SYNGR3: variants seen among roughly 807,000 people sequenced by gnomAD.
SYNGR3 encodes synaptogyrin-3.
In SYNGR3, 10 loss-of-function variants were observed where a neutral mutation model predicts 18.5. The observed-to-expected ratio is 0.54, with a 90% CI of 0.33 to 0.92. The LOEUF is 0.92. Among genes scored for constraint, SYNGR3 ranks in the 40% least tolerant of loss-of-function variants. The probability of loss-of-function intolerance (pLI) is 0.02; values close to 1 mark genes in which losing one functional copy is unlikely to be tolerated. For synonymous variants in SYNGR3, 188 were observed against 157.2 expected (o/e 1.20, Z -1.47); for missense variants, 335 against 332.8 (o/e 1.01, Z -0.05).
At position 1,992,088 on chromosome 16, in the gene SYNGR3, G is replaced by T; in HGVS notation, c.214G>T (p.Val72Phe). 6.3e-7 allele frequency: 1 copy of T among 1,576,352 alleles called. No homozygotes were observed. The highest frequency in any genetic ancestry group is 1.1e-5 in the South Asian group (1 of 87,498). Residue 72 changes from valine to phenylalanine, a missense_variant, in exon 2 of 4, where the codon GTC (valine) becomes TTC (phenylalanine). Val to Phe is a conservative substitution (Grantham distance 50). Coordinates refer to ENST00000248121, the MANE Select transcript of SYNGR3 (RefSeq NM_004209.6). ...NGNAGACRFG[V>F]ALGLGAFLAC... ...GAACGCGGGCGCCTGCCGCTTCGGC[G>T]TCGCGCTGGGCCTCGGAGCCTTCCT...
At chr16:1,990,842 G>A (rs1451597526) in intron 1 of SYNGR3, among the ~76,000 whole-genome samples, 1 of 152,250 alleles carries the variant, frequency 6.6e-6, no homozygotes, top group East Asian at 1.9e-4. Context: ...TTTTGTCCAG[G>A]TGGCAACCTC....
In SYNGR3 at chr16:1,993,070, TAGC is replaced by T; in HGVS notation, c.689_*1del. The T allele has an allele frequency of 1.0e-5, 16 of 1,607,598 alleles. No homozygotes were observed. Among genetic ancestry groups the T allele is most frequent in the Non-Finnish European group, 1.4e-5 (16 of 1,178,130 alleles). ...CAAAGGGTACCAGGTGCCCGCCTACTAGCGGCTGGCAGGCACAGACCAGGGCTC... is the reference window on the plus strand; with the variant it reads ...CAAAGGGTACCAGGTGCCCGCCTACTGGCTGGCAGGCACAGACCAGGGCTC... On this transcript the variant is annotated stop_lost and 3_prime_UTR_variant, in exon 4 of 4. Transcript: ENST00000248121.
In SYNGR3 at chr16:1,992,860, C is replaced by T. The variant is rs751171701; in HGVS notation, c.481-3C>T. Reference sequence around the variant, plus strand: ...CTGACCCCGCTGACCCCGCCCCGCGCAGGTGGCGCTCACCGTGAAGGCCCT... The same window carrying T: ...CTGACCCCGCTGACCCCGCCCCGCGTAGGTGGCGCTCACCGTGAAGGCCCT... On this transcript the variant is annotated splice_region_variant and splice_polypyrimidine_tract_variant and intron_variant, in intron 3 of 3. Transcript: ENST00000248121. 6.4e-7 allele frequency: 1 copy of T among 1,556,118 alleles called. No individual in the cohort carries two copies. The highest frequency in any genetic ancestry group is 8.7e-7 in the Non-Finnish European group (1 of 1,151,630).
intron 1 of SYNGR3, among the ~76,000 whole-genome samples, chr16:1,990,883 G>A (rs1047996982): frequency 6.6e-6 from 1 of 152,262 alleles, no homozygotes; most frequent in Non-Finnish European, 1.5e-5. Flanking sequence ...GCCTGTCTTG[G>A]AGGAGGGCGG....
chr16:1,991,290 T>G (rs1348961627), intron 1 of SYNGR3: 1 of 152,322 alleles, frequency 6.6e-6, no homozygotes, highest in East Asian at 1.9e-4. Flanking sequence ...GGGGCTGTCA[T>G]CCCTCGGGTA....
At position 1,992,692 on chromosome 16, in the gene SYNGR3, C is replaced by T. The variant is rs575680811; in HGVS notation, c.394C>T (p.Arg132Cys). 2 of 1,604,546 alleles carry T rather than the reference C, an allele frequency of 1.2e-6. No individual in the cohort carries two copies. The highest frequency in any genetic ancestry group is 1.1e-5 in the South Asian group (1 of 90,852). ...GFCFLTNQWQ[R>C]TAPGPATTQA... ...CTGCTTCCTCACCAATCAGTGGCAGCGCACGGCGCCAGGGCCGGCCACGAC... is the reference window on the plus strand; with the variant it reads ...CTGCTTCCTCACCAATCAGTGGCAGTGCACGGCGCCAGGGCCGGCCACGAC... Residue 132 changes from arginine (R) to cysteine (C), a missense_variant, in exon 3 of 4, where the codon CGC becomes TGC. Coordinates refer to ENST00000248121, the MANE Select transcript of SYNGR3 (RefSeq NM_004209.6).
At position 1,990,170 on chromosome 16, in the gene SYNGR3, G is replaced by C. The variant is rs1382308370; in HGVS notation, c.68G>C (p.Arg23Pro). Residue 23 changes from arginine (R) to proline (P), a missense_variant, in exon 1 of 4, where the codon CGG (arginine) becomes CCG (proline). Transcript: ENST00000248121. ...CTGGACCCCGTGAGCTTTGCGCGGC[G>C]GCCCCAGACCCTGCTCCGGGTCGCG... is the stretch of plus-strand genomic sequence containing the variant. ...AALDPVSFAR[R>P]PQTLLRVASW... 7.9e-7 allele frequency: 1 copy of C among 1,262,262 alleles called. No homozygotes were observed. Among genetic ancestry groups the C allele is most frequent in the Non-Finnish European group, 1.0e-6 (1 of 1,001,736 alleles). 78.2% of individuals were successfully genotyped at this position (1,262,262 alleles called of 1,614,324 possible).
At chr16:1,990,370 C>G (rs1426593886) in intron 1 of SYNGR3, 169 bp downstream of exon 1, 2 of 428,820 alleles carry the variant, frequency 4.7e-6, no homozygotes, top group Admixed American at 9.0e-5. Context: ...GGTGACGTCA[C>G]CGGGCAGGGC....
In SYNGR3 at chr16:1,992,695, A is replaced by C; in HGVS notation, c.397A>C (p.Thr133Pro). The C allele has an allele frequency of 6.2e-7, 1 of 1,604,370 alleles. No homozygotes were observed. The highest frequency in any genetic ancestry group is 8.5e-7 in the Non-Finnish European group (1 of 1,177,460). The change falls in exon 3 of 4, where the codon ACG (threonine) becomes CCG (proline). Residue 133 changes from threonine to proline, a missense_variant. Transcript: ENST00000248121. Reference protein sequence around the residue: ...FCFLTNQWQRTAPGPATTQAG... With the variant: ...FCFLTNQWQRPAPGPATTQAG... ...CTTCCTCACCAATCAGTGGCAGCGC[A>C]CGGCGCCAGGGCCGGCCACGACGCA...
chr16:1,993,255 A>G lies in SYNGR3; in HGVS notation c.*183A>G. The G allele has an allele frequency of 1.4e-6, 1 of 711,438 alleles. No individual in the cohort carries two copies. Among genetic ancestry groups the G allele is most frequent in the Non-Finnish European group, 2.3e-6 (1 of 429,530 alleles). 44.1% of individuals were successfully genotyped at this position (711,438 alleles called of 1,614,324 possible). ...TGGGCTGCCCCTGCCAAGTTCCCCC[A>G]GTCCCTCAGCACCTGGCCCCAGGAC... On this transcript the variant is annotated 3_prime_UTR_variant, in exon 4 of 4. Coordinates refer to ENST00000248121, the MANE Select transcript of SYNGR3 (RefSeq NM_004209.6).
At position 1,993,120 on chromosome 16, in the gene SYNGR3, G is replaced by A. The variant is rs768787609; in HGVS notation, c.*48G>A. ...GCTCCAAGGCCACCCCACCAACGCA[G>A]GCCCCAGGGTCTCCGGGACCTCCCT... is the stretch of plus-strand genomic sequence containing the variant. On this transcript the variant is annotated 3_prime_UTR_variant, in exon 4 of 4. Coordinates refer to ENST00000248121, the MANE Select transcript of SYNGR3 (RefSeq NM_004209.6). The A allele has an allele frequency of 3.2e-6, 5 of 1,566,392 alleles. No homozygotes were observed. In the South Asian group the frequency reaches 4.6e-5, roughly 15 times the overall value.
rs143768191 is a variant in SYNGR3 at position 1,992,673 on chromosome 16, C to T, written c.375C>T (p.Phe125=). The change falls in exon 3 of 4, where the codon TTC becomes TTT. Residue 125 remains phenylalanine (F), a synonymous_variant. Transcript: ENST00000248121. The part of the protein sequence containing the change: ...WSFLWFVGFC[F]LTNQWQRTAP... Reference sequence around the variant, plus strand: ...TCCTGTGGTTCGTGGGCTTCTGCTTCCTCACCAATCAGTGGCAGCGCACGG... The same window carrying T: ...TCCTGTGGTTCGTGGGCTTCTGCTTTCTCACCAATCAGTGGCAGCGCACGG... The T allele has an allele frequency of 1.5e-3, 2,422 of 1,606,460 alleles. 41 individuals carry two copies. In the South Asian group the frequency reaches 0.025, roughly 16 times the overall value.
chr16:1,992,013 G>T lies in SYNGR3; in HGVS notation c.139G>T (p.Gly47Cys). 1 of 1,592,934 alleles carries T rather than the reference G, an allele frequency of 6.3e-7. No homozygotes were observed. ...IAVFGPIVNE[G>C]YVNTDSGPEL... Reference sequence around the variant, plus strand: ...CGTCTTCGGGCCCATCGTCAACGAGGGCTACGTGAACACCGACAGCGGCCC... The same window carrying T: ...CGTCTTCGGGCCCATCGTCAACGAGTGCTACGTGAACACCGACAGCGGCCC... The change falls in exon 2 of 4, where the codon GGC becomes TGC. Residue 47 changes from glycine to cysteine, a missense_variant. By Grantham distance (159) the Gly-to-Cys change is radical. Coordinates refer to ENST00000248121, the MANE Select transcript of SYNGR3 (RefSeq NM_004209.6).
chr16:1,990,396 C>T, intron 1 of SYNGR3, 195 bp downstream of exon 1: 1 of 345,934 alleles, frequency 2.9e-6, no homozygotes, highest in Admixed American at 4.9e-5. Context: ...CACCTGCGGG[C>T]GGAGGAGGGG....
rs375528139 is a variant in SYNGR3 at position 1,990,869 on chromosome 16, C to T, written c.99+668C>T. On this transcript the variant is annotated intron_variant, in intron 1 of 3. Transcript: ENST00000248121. The stretch of plus-strand genomic sequence containing the variant: ...GGCAACCTCTGGGCCAGCCGCACCT[C>T]GGCGCCTGTCTTGGAGGAGGGCGGT... Among the ~76,000 whole-genome samples the T allele has an allele frequency of 9.2e-5, 14 of 152,368 alleles. No individual in the cohort carries two copies. The East Asian group carries it at 1.7e-3, about 19-fold the overall frequency.
Position 1,993,112 on chromosome 16 carries a change from C to T in SYNGR3, c.*40C>T. ...AGACCAGGGCTCCAAGGCCACCCCA[C>T]CAACGCAGGCCCCAGGGTCTCCGGG... On this transcript the variant is annotated 3_prime_UTR_variant, in exon 4 of 4. Transcript: ENST00000248121. 1 of 1,574,268 alleles carries T rather than the reference C, an allele frequency of 6.4e-7. No homozygotes were observed. Among genetic ancestry groups the T allele is most frequent in the Non-Finnish European group, 8.6e-7 (1 of 1,161,450 alleles).
In SYNGR3 at chr16:1,990,171, G is replaced by A; in HGVS notation, c.69G>A (p.Arg23=). The A allele has an allele frequency of 7.9e-7, 1 of 1,272,886 alleles. No homozygotes were observed. Among genetic ancestry groups the A allele is most frequent in the Non-Finnish European group, 9.9e-7 (1 of 1,007,800 alleles). The allele number at this position is 1,272,886 out of a possible 1,614,324, so 78.8% of individuals were successfully genotyped here. The change falls in exon 1 of 4, where the codon CGG becomes CGA. Residue 23 remains arginine, a synonymous_variant. Transcript: ENST00000248121. ...TGGACCCCGTGAGCTTTGCGCGGCG[G>A]CCCCAGACCCTGCTCCGGGTCGCGT... The part of the protein sequence containing the change: ...AALDPVSFAR[R]PQTLLRVASW...
At chr16:1,992,594 C>T in intron 2 of SYNGR3, 42 bp from the exon 3 acceptor site, 1 of 1,572,674 alleles carries the variant, frequency 6.4e-7, no homozygotes, top group Non-Finnish European at 8.6e-7. Flanking sequence ...CGCCGTGGGC[C>T]ACCGCGTGGA....
Position 1,993,180 on chromosome 16 carries a change from G to A in SYNGR3, c.*108G>A. Reference sequence around the variant, plus strand: ...CCAGCTCAGTGCCGCGGACAGAGTAGGTGGCCGCTTTGCGCCATCCGGGGC... The same window carrying A: ...CCAGCTCAGTGCCGCGGACAGAGTAAGTGGCCGCTTTGCGCCATCCGGGGC... On this transcript the variant is annotated 3_prime_UTR_variant, in exon 4 of 4. Coordinates refer to ENST00000248121, the MANE Select transcript of SYNGR3 (RefSeq NM_004209.6). The A allele has an allele frequency of 7.3e-7, 1 of 1,379,004 alleles. No homozygotes were observed. Among genetic ancestry groups the A allele is most frequent in the Non-Finnish European group, 9.8e-7 (1 of 1,017,682 alleles). 85.4% of individuals were successfully genotyped at this position (1,379,004 alleles called of 1,614,324 possible). A position where few individuals can be genotyped will look rare whatever the true frequency, so the allele number is the denominator to read the frequency against.
Sources: allele counts gnomAD v4.1 joint callset (sites outside exome capture counted in the v4.1 genomes callset), GRCh38; gene constraint gnomAD v4.1.1; transcripts MANE v1.5; gene names NCBI Gene and HGNC (gene_info 2026-07-23, HGNC 2026-07-21).